ANK2: variants seen among roughly 807,000 people sequenced by gnomAD.
ANK2 encodes the protein ankyrin 2.
In ANK2, 83 loss-of-function variants were observed where a neutral mutation model predicts 360.5. The observed-to-expected ratio is 0.23, with a 90% confidence interval of 0.19 to 0.28. ANK2 has a LOEUF of 0.28. Ranked by LOEUF, ANK2 falls within the 10% of genes least tolerant of loss-of-function variation. The pLI, the probability that ANK2 is intolerant of heterozygous loss-of-function variation, is 1.00. For missense variants in ANK2, 4,201 were observed against 4,795.7 expected, an observed-to-expected ratio of 0.88 and a Z score of 3.66; for synonymous variants, 1,740 against 1,759.5, an observed-to-expected ratio of 0.99 and a Z score of 0.28.
the ANK2 span, among the ~76,000 whole-genome samples, chr4:112,779,065 A>G: frequency 6.6e-6 from 1 of 152,170 alleles, no homozygotes; most frequent in Non-Finnish European, 1.5e-5. Context: ...TAAATATGTC[A>G]TCATTCAGTT....
chr4:112,888,567 T>G (rs1385665242), intron 1 of ANK2, among the ~76,000 whole-genome samples: 1 of 152,154 alleles, frequency 6.6e-6, no homozygotes, highest in Non-Finnish European at 1.5e-5. Context: ...ATTTTTAATT[T>G]TGATATTTTC....
At chr4:113,075,189 A>T (rs2079394478) in intron 1 of ANK2, among the ~76,000 whole-genome samples, 1 of 152,248 alleles carries the variant, frequency 6.6e-6, no homozygotes, top group African/African-American at 2.4e-5. Flanking sequence ...GCAGTAATTA[A>T]TTGAGAAGAG....
At chr4:112,921,172 G>A (rs1453527497) in intron 2 of ANK2, among the ~76,000 whole-genome samples, 1 of 149,834 alleles carries the variant, frequency 6.7e-6, no homozygotes, top group Non-Finnish European at 1.5e-5. Flanking sequence ...GGCTACAGGC[G>A]TGTGCCACGC....
the ANK2 span, among the ~76,000 whole-genome samples, chr4:112,724,939 C>T: frequency 8.6e-5 from 13 of 152,026 alleles, no homozygotes; most frequent in Non-Finnish European, 1.5e-4. Context: ...AATGGATACA[C>T]GAAATGTGGC....
chr4:113,305,410 T>A (rs950342804), intron 23 of ANK2, among the ~76,000 whole-genome samples: 10 of 151,816 alleles, frequency 6.6e-5, no homozygotes, highest in African/African-American at 2.4e-4. Context: ...TATAACATTC[T>A]GTACTTTCAT....
intron 2 of ANK2, among the ~76,000 whole-genome samples, chr4:112,995,107 T>A (rs2048108505): frequency 6.6e-6 from 1 of 152,212 alleles, no homozygotes; most frequent in Admixed American, 6.5e-5. Flanking sequence ...AGTGATTTAA[T>A]TTCCTTTGGG....
the ANK2 span, among the ~76,000 whole-genome samples, chr4:112,761,805 G>A: frequency 6.6e-6 from 1 of 151,886 alleles, no homozygotes; most frequent in African/African-American, 2.4e-5. Context: ...ATTTTTTCAT[G>A]CAATTGCCTT....
At chr4:113,266,277 A>G (rs1586617407) in intron 14 of ANK2, among the ~76,000 whole-genome samples, 1 of 152,202 alleles carries the variant, frequency 6.6e-6, no homozygotes, top group East Asian at 1.9e-4. Context: ...CCTGCAAAGG[A>G]CATGAACTCA....
intron 4 of ANK2, among the ~76,000 whole-genome samples, chr4:113,214,857 A>G (rs1340353074): frequency 1.2e-4 from 18 of 152,180 alleles, no homozygotes; most frequent in Admixed American, 1.2e-3. Flanking sequence ...GTGAAAGTAC[A>G]CATCATTTCA....
At chr4:113,043,442 TAA>T (rs141769112) in intron 2 of ANK2, among the ~76,000 whole-genome samples, 2 of 144,014 alleles carry the variant, frequency 1.4e-5, no homozygotes, top group Admixed American at 7.0e-5. Flanking sequence ...CCAGGGGCTT[TAA>T]AAAAAAAAAA....
the ANK2 span, among the ~76,000 whole-genome samples, chr4:112,756,666 G>T: frequency 5.9e-5 from 9 of 152,256 alleles, no homozygotes; most frequent in African/African-American, 1.9e-4. Flanking sequence ...GAGATTTTTT[G>T]AGCTCGGCTG....
At chr4:112,915,585 T>C (rs1307547486) in intron 2 of ANK2, among the ~76,000 whole-genome samples, 8 of 151,842 alleles carry the variant, frequency 5.3e-5, no homozygotes, top group Non-Finnish European at 1.0e-4. Context: ...TCCCCGTCTC[T>C]ACAAAAAATT....
intron 9 of ANK2, among the ~76,000 whole-genome samples, chr4:113,243,801 A>G (rs1298811017): frequency 6.6e-6 from 1 of 152,184 alleles, no homozygotes; most frequent in African/African-American, 2.4e-5. Flanking sequence ...TTACTAACAT[A>G]ATTTCTTCCT....
chr4:112,831,252 C>G (rs556516596), intron 1 of ANK2, among the ~76,000 whole-genome samples: 1 of 152,232 alleles, frequency 6.6e-6, no homozygotes, highest in African/African-American at 2.4e-5. Flanking sequence ...ATCCACTAGG[C>G]GAAGCAAGCT....
At chr4:112,831,331 C>G (rs561331007) in intron 1 of ANK2, among the ~76,000 whole-genome samples, 8 of 152,298 alleles carry the variant, frequency 5.3e-5, no homozygotes, top group Admixed American at 2.6e-4. Context: ...ATGCACCAAT[C>G]AGCACTCTGT....
chr4:112,926,186 A>G (rs1480332521), intron 2 of ANK2, among the ~76,000 whole-genome samples: 1 of 152,170 alleles, frequency 6.6e-6, no homozygotes, highest in African/African-American at 2.4e-5. Flanking sequence ...AGCCTCCTCC[A>G]GTCATTTTGG....
intron 1 of ANK2, among the ~76,000 whole-genome samples, chr4:112,831,805 G>T (rs7672708): frequency 1.3e-5 from 2 of 151,564 alleles, no homozygotes; most frequent in Non-Finnish European, 2.9e-5. Context: ...CCTGAAGCCA[G>T]CGAGACCACG....
At chr4:113,365,273 C>CT (rs552866131) in intron 41 of ANK2, 91 bp downstream of exon 41, 80,203 of 960,130 alleles carry the variant, frequency 0.084, 29 homozygotes, top group South Asian at 0.12. Flanking sequence ...GACCTACTGT[C>CT]TTTTTTTTTT....
chr4:112,973,735 G>A lies in ANK2; in HGVS notation c.21+69221G>A, dbSNP rs376315038. 2.0e-5 allele frequency among the ~76,000 whole-genome samples: 3 copies of A among 152,266 alleles called. No homozygotes were observed. The East Asian group carries it at 5.8e-4, about 29-fold the overall frequency. ...AGCTATTGTTTCTTCAGTCCAAATGGTCATACTTTGGGTGATGGGTTGTGT... is the reference window on the plus strand; with the variant it reads ...AGCTATTGTTTCTTCAGTCCAAATGATCATACTTTGGGTGATGGGTTGTGT... On this transcript the variant is annotated intron_variant, in intron 2 of 30. Coordinates refer to the ANK2 transcript ENST00000503271.
Sources: gnomAD v4.1 joint callset for allele counts (sites outside exome capture counted in the v4.1 genomes callset) on GRCh38, gnomAD v4.1.1 for gene constraint, MANE v1.5 for transcripts, NCBI Gene and HGNC (gene_info 2026-07-23, HGNC 2026-07-21) for gene names.